The following PBX1 variants were observed in gnomAD, a reference collection of about 807,000 sequenced individuals.
PBX1 encodes the protein PBX homeobox 1.
In PBX1, 6 loss-of-function variants were observed where a neutral mutation model predicts 53.4. The ratio of observed to expected loss-of-function variants is 0.11; its 90% CI spans 0.06 to 0.22. The LOEUF (loss-of-function observed/expected upper bound fraction) is 0.22, where lower values mean the gene tolerates loss of function less well. PBX1 is among the 10% of genes least tolerant of loss of function. PBX1 has a pLI of 1.00. For missense variants in PBX1, 251 were observed against 551.4 expected (o/e 0.46, Z 5.46); for synonymous variants, 204 against 212.3 (o/e 0.96, Z 0.34).
chr1:164,879,730 G>A (rs1672600763), intron 2 of PBX1, among the ~76,000 whole-genome samples: 1 of 152,190 alleles, frequency 6.6e-6, no homozygotes, highest in Non-Finnish European at 1.5e-5. Context: ...CTAAAGTAAT[G>A]GGAGTGGATA....
chr1:164,729,205 T>C (rs1250830198), intron 2 of PBX1, among the ~76,000 whole-genome samples: 1 of 152,160 alleles, frequency 6.6e-6, no homozygotes, highest in Non-Finnish European at 1.5e-5. Flanking sequence ...TTACAGTGAG[T>C]AGGAAATTAA....
chr1:164,599,468 C>A (rs982605832), intron 2 of PBX1, among the ~76,000 whole-genome samples: 3 of 152,118 alleles, frequency 2.0e-5, no homozygotes, highest in African/African-American at 7.2e-5. Context: ...ATTTTGCCAG[C>A]GGCCTCTTCT....
intron 2 of PBX1, among the ~76,000 whole-genome samples, chr1:164,860,650 G>T (rs2102441912): frequency 6.6e-6 from 1 of 152,224 alleles, no homozygotes; most frequent in Non-Finnish European, 1.5e-5. Flanking sequence ...CAGAAGACAT[G>T]CATAGAATAT....
intron 2 of PBX1, among the ~76,000 whole-genome samples, chr1:164,766,734 A>ATTTTTTTTT (rs200315732): frequency 9.1e-6 from 1 of 110,376 alleles, no homozygotes; most frequent in Admixed American, 9.3e-5. Flanking sequence ...TTATTTATTT[A>ATTTTTTTTT]TTTATTTTTT....
At position 164,788,724 on chromosome 1, in the gene PBX1, CTGT is replaced by C. The variant is rs199816836; in HGVS notation, c.266-3764_266-3762del. Among the ~76,000 whole-genome samples the C allele has an allele frequency of 0.01, 1,585 of 151,348 alleles. 20 individuals are homozygous for C. The Middle Eastern group carries it at 0.11, about 11-fold the overall frequency. ...TTTAAAGGGTGTAATTTGGAAATGA[CTGT>C]TGTTGGTTTTTCTACCCGCCGCCCT... is the stretch of plus-strand genomic sequence containing the variant. On this transcript the variant is annotated intron_variant, in intron 2 of 8. Coordinates refer to ENST00000420696, the MANE Select transcript of PBX1 (RefSeq NM_002585.4).
chr1:164,562,452 T>TACACACACACAC (rs6143458), intron 1 of PBX1, among the ~76,000 whole-genome samples: 3,156 of 143,326 alleles, frequency 0.022, 115 homozygotes, highest in East Asian at 0.15. Flanking sequence ...GCATTCAGAA[T>TACACACACACAC]ACACACACAC....
chr1:164,696,340 T>C (rs1662798179), intron 2 of PBX1, among the ~76,000 whole-genome samples: 1 of 152,128 alleles, frequency 6.6e-6, no homozygotes, highest in Non-Finnish European at 1.5e-5. Context: ...TTGAAGATGA[T>C]GGAATCATTT....
At chr1:164,710,522 C>T (rs1024781904) in intron 2 of PBX1, among the ~76,000 whole-genome samples, 2 of 152,148 alleles carry the variant, frequency 1.3e-5, no homozygotes, top group African/African-American at 4.8e-5. Context: ...AGCGATTCTC[C>T]TGCCTTAGCC....
intron 2 of PBX1, among the ~76,000 whole-genome samples, chr1:164,755,809 C>A (rs1048053419): frequency 6.6e-6 from 1 of 151,846 alleles, no homozygotes; most frequent in Non-Finnish European, 1.5e-5. Flanking sequence ...TTAGCTTGAG[C>A]GTTCTGGAAA....
chr1:164,568,369 A>G (rs1448600237), intron 2 of PBX1, among the ~76,000 whole-genome samples: 2 of 152,124 alleles, frequency 1.3e-5, no homozygotes, highest in African/African-American at 4.8e-5. Flanking sequence ...ACCACATGAT[A>G]GAGACAGTGT....
At chr1:164,858,971 A>G (rs1195230041) in intron 2 of PBX1, among the ~76,000 whole-genome samples, 1 of 152,166 alleles carries the variant, frequency 6.6e-6, no homozygotes, top group Non-Finnish European at 1.5e-5. Flanking sequence ...AGGATGTATA[A>G]AATACTTGAA....
intron 3 of PBX1, among the ~76,000 whole-genome samples, chr1:164,793,813 TC>T (rs1368025522): frequency 1.3e-5 from 2 of 150,334 alleles, no homozygotes; most frequent in African/African-American, 2.4e-5. Flanking sequence ...TTCTTTTTTT[TC>T]GTTTCTTCTT....
chr1:164,761,970 T>C (rs1239314640), intron 2 of PBX1, among the ~76,000 whole-genome samples: 1 of 152,162 alleles, frequency 6.6e-6, no homozygotes, highest in Non-Finnish European at 1.5e-5. Context: ...CTATATTCTC[T>C]AAGATTAATT....
intron 2 of PBX1, among the ~76,000 whole-genome samples, chr1:164,659,633 G>A (rs1229244603): frequency 1.3e-5 from 2 of 152,184 alleles, no homozygotes; most frequent in African/African-American, 2.4e-5. Context: ...TTGGGTGGCT[G>A]CAGAACCTGC....
downstream of PBX1, among the ~76,000 whole-genome samples, chr1:164,853,506 G>A (rs1671905671): frequency 6.6e-6 from 1 of 152,172 alleles, no homozygotes; most frequent in African/African-American, 2.4e-5. Flanking sequence ...GATCAAGAGA[G>A]GGATTTAACA....
At chr1:164,632,396 G>A (rs1411536375) in intron 2 of PBX1, among the ~76,000 whole-genome samples, 1 of 152,194 alleles carries the variant, frequency 6.6e-6, no homozygotes, top group African/African-American at 2.4e-5. Context: ...TTTCAGGGGA[G>A]GGTGAGGGGG....
At chr1:164,611,914 C>G (rs542509901) in intron 2 of PBX1, among the ~76,000 whole-genome samples, 1 of 152,170 alleles carries the variant, frequency 6.6e-6, no homozygotes. Context: ...ACAATGCCCT[C>G]CTTTCTTCTC....
intron 2 of PBX1, among the ~76,000 whole-genome samples, chr1:164,739,753 ATGTGTGTGTGTGTG>A (rs57602745): frequency 5.6e-5 from 8 of 143,080 alleles, no homozygotes; most frequent in South Asian, 2.2e-4. Context: ...GTGGTTGTGC[ATGTGTGTGTGTGTG>A]TGTGTGTGTG....
intron 2 of PBX1, among the ~76,000 whole-genome samples, chr1:164,648,848 G>A (rs971121670): frequency 1.3e-5 from 2 of 152,208 alleles, no homozygotes; most frequent in East Asian, 1.9e-4. Context: ...CAGAGCAGGG[G>A]CCTCTAGCCC....
Sources: allele counts gnomAD v4.1 joint callset (sites outside exome capture counted in the v4.1 genomes callset), GRCh38; gene constraint gnomAD v4.1.1; transcripts MANE v1.5; gene names NCBI Gene and HGNC (gene_info 2026-07-23, HGNC 2026-07-21).